The following STX2 variants were observed in gnomAD, a reference collection of about 807,000 sequenced individuals.
STX2 encodes syntaxin-2.
A neutral mutation model predicts 40.6 loss-of-function variants in STX2; 27 were observed. The ratio of observed to expected loss-of-function variants is 0.66; its 90% confidence interval spans 0.49 to 0.92. STX2 has a LOEUF of 0.92. STX2 is among the 40% of genes least tolerant of loss of function. The probability of loss-of-function intolerance (pLI) is 0.00; values close to 1 mark genes in which losing one functional copy is unlikely to be tolerated. For missense variants in STX2, 328 were observed against 366.1 expected (o/e 0.90, Z 0.85); for synonymous variants, 123 against 119.1 (o/e 1.03, Z -0.22).
chr12:130,806,759 G>T (rs1180370628), intron 6 of STX2, among the ~76,000 whole-genome samples: 2 of 152,196 alleles, frequency 1.3e-5, no homozygotes, highest in African/African-American at 4.8e-5. Flanking sequence ...AACTCTAAAA[G>T]CAACAGCAAT....
intron 6 of STX2, among the ~76,000 whole-genome samples, chr12:130,802,730 A>G (rs1472393808): frequency 1.3e-5 from 2 of 152,070 alleles, no homozygotes; most frequent in Non-Finnish European, 2.9e-5. Flanking sequence ...TCCTGGCCTC[A>G]AGCGATCCTT....
At chr12:130,821,819 G>T (rs1378664329) in intron 2 of STX2, 31 bp from the exon 3 acceptor site, 2 of 1,449,924 alleles carry the variant, frequency 1.4e-6, no homozygotes, top group Non-Finnish European at 1.9e-6. Context: ...TTACAGCATG[G>T]CAAACTCAAA....
intron 2 of STX2, among the ~76,000 whole-genome samples, chr12:130,826,394 A>G (rs1952307367): frequency 6.6e-6 from 1 of 152,164 alleles, no homozygotes. Context: ...AGGACCTCCA[A>G]AAGGCAGCCT....
At position 130,839,231 on chromosome 12, in the gene STX2, G is replaced by A. The variant is rs1593204970; in HGVS notation, c.-132C>T. The stretch of plus-strand genomic sequence containing the variant: ...GGCGCCAGCAGCCCTCCCTGGAGCC[G>A]GCGCTGCCACGGCAACCGCGCCCCG... On this transcript the variant is annotated 5_prime_UTR_variant, in exon 1 of 11. Coordinates refer to ENST00000392373, the MANE Select transcript of STX2 (RefSeq NM_194356.4). 1 of 815,154 alleles carries A rather than the reference G, an allele frequency of 1.2e-6. No individual in the cohort carries two copies. Among genetic ancestry groups the A allele is most frequent in the East Asian group, 9.1e-5 (1 of 10,978 alleles). The allele number at this position is 815,154 out of a possible 1,614,324, so 50.5% of individuals were successfully genotyped here. A position where few individuals can be genotyped will look rare whatever the true frequency, so the allele number is the denominator to read the frequency against.
Position 130,796,013 on chromosome 12 carries a change from G to C in STX2, c.*27C>G, listed in dbSNP as rs771299396. The C allele has an allele frequency of 2.2e-5, 36 of 1,613,126 alleles. No individual in the cohort carries two copies. Among genetic ancestry groups the C allele is most frequent in the Non-Finnish European group, 3.0e-5 (35 of 1,179,686 alleles). Reference sequence around the variant, plus strand: ...TACTTACTCCCACCCTGGCAGAGAGGCATGCACACTGACGTTATCCACACC... The same window carrying C: ...TACTTACTCCCACCCTGGCAGAGAGCCATGCACACTGACGTTATCCACACC... On this transcript the variant is annotated 3_prime_UTR_variant, in exon 10 of 11. Coordinates refer to ENST00000392373, the MANE Select transcript of STX2 (RefSeq NM_194356.4).
intron 4 of STX2, among the ~76,000 whole-genome samples, chr12:130,811,834 C>T (rs1490167618): frequency 6.6e-6 from 1 of 152,156 alleles, no homozygotes; most frequent in East Asian, 1.9e-4. Context: ...GCCACCGTGC[C>T]AGGCCACCAT....
chr12:130,801,587 G>C, intron 6 of STX2, 99 bp from the exon 7 acceptor site: 1 of 1,252,548 alleles, frequency 8.0e-7, no homozygotes. Flanking sequence ...ATAGTTGTTA[G>C]CATTTTTCAG....
chr12:130,798,280 A>G (rs542998332), intron 9 of STX2: 1 of 296,984 alleles, frequency 3.4e-6, no homozygotes, highest in East Asian at 6.8e-5. Flanking sequence ...TGCTGGGATT[A>G]CAGGCGTGCC....
intron 5 of STX2, 37 bp from the exon 6 acceptor site, chr12:130,807,127 C>T: frequency 6.3e-7 from 1 of 1,589,858 alleles, no homozygotes; most frequent in Non-Finnish European, 8.6e-7. Context: ...TATCTGAGGG[C>T]CATGCCTTCT....
chr12:130,834,804 G>T lies in STX2; in HGVS notation c.30+4266C>A, dbSNP rs1169946206. On this transcript the variant is annotated intron_variant, in intron 1 of 10. Coordinates refer to ENST00000392373, the MANE Select transcript of STX2 (RefSeq NM_194356.4). ...ATGACATTCTAAACTATAAATATAT[G>T]CATATATAAAATTATGTTCATATAT... 2.6e-5 allele frequency among the ~76,000 whole-genome samples: 4 copies of T among 152,208 alleles called. No individual in the cohort carries two copies. In the South Asian group the frequency reaches 8.3e-4, roughly 32 times the overall value.
chr12:130,795,148 T>A (rs1433860553), intron 10 of STX2, among the ~76,000 whole-genome samples: 1 of 152,210 alleles, frequency 6.6e-6, no homozygotes, highest in South Asian at 2.1e-4. Flanking sequence ...TAACTAAATA[T>A]AATACGTAAT....
intron 1 of STX2, 72 bp from the exon 2 acceptor site, chr12:130,827,339 A>T (rs1952360338): frequency 8.3e-7 from 1 of 1,203,776 alleles, no homozygotes; most frequent in Non-Finnish European, 1.2e-6. Flanking sequence ...TGAAATACAA[A>T]AACAGTTCAA....
intron 3 of STX2, among the ~76,000 whole-genome samples, chr12:130,819,837 G>A (rs1412207641): frequency 2.0e-5 from 3 of 151,898 alleles, no homozygotes; most frequent in Non-Finnish European, 4.4e-5. Context: ...GCGACGGCAC[G>A]AAGAGGTCCC....
In STX2 at chr12:130,799,337, A is replaced by T. The variant is rs76545940; in HGVS notation, c.676-702T>A. ...GCAATACCAACAGACTTCTAAAAGGAAACAGTGAAACAAAGCCAGGGATGC... is the reference window on the plus strand; with the variant it reads ...GCAATACCAACAGACTTCTAAAAGGTAACAGTGAAACAAAGCCAGGGATGC... On this transcript the variant is annotated intron_variant, in intron 8 of 10. Transcript: ENST00000392373. Among the ~76,000 whole-genome samples the T allele has an allele frequency of 7.2e-5, 11 of 152,368 alleles. No homozygotes were observed. In the East Asian group the frequency reaches 1.9e-3, roughly 27 times the overall value.
chr12:130,789,940 C>T lies in STX2; in HGVS notation c.*2083G>A, dbSNP rs1485557646. The T allele has an allele frequency of 6.6e-6, 1 of 152,072 alleles. No homozygotes were observed. The highest frequency in any genetic ancestry group is 1.5e-5 in the Non-Finnish European group (1 of 68,026). The allele number at this position is 152,072 out of a possible 1,614,324, so 9.4% of individuals were successfully genotyped here. On this transcript the variant is annotated 3_prime_UTR_variant, in exon 11 of 11. Coordinates refer to ENST00000392373, the MANE Select transcript of STX2 (RefSeq NM_194356.4). ...TCTAAGAAGAATAACTTGAAAAATA[C>T]CATAATAAGTGTTGTAAAAGGGGAG...
chr12:130,808,514 G>T, intron 5 of STX2, 117 bp downstream of exon 5: 2 of 941,120 alleles, frequency 2.1e-6, no homozygotes, highest in Non-Finnish European at 3.2e-6. Flanking sequence ...TTTTTGTGCA[G>T]AAATACTATG....
intron 1 of STX2, among the ~76,000 whole-genome samples, chr12:130,836,770 TGA>T (rs1247061238): frequency 8.5e-5 from 13 of 152,206 alleles, no homozygotes; most frequent in Non-Finnish European, 1.9e-4. Context: ...GAAAAAGTTT[TGA>T]GAGATTTAAA....
At chr12:130,837,010 A>C (rs1952774318) in intron 1 of STX2, among the ~76,000 whole-genome samples, 1 of 152,172 alleles carries the variant, frequency 6.6e-6, no homozygotes, top group Admixed American at 6.5e-5. Flanking sequence ...TTTGCTATTC[A>C]AGCCAAGAAA....
chr12:130,830,561 T>C (rs1952521406), intron 1 of STX2, among the ~76,000 whole-genome samples: 1 of 152,260 alleles, frequency 6.6e-6, no homozygotes, highest in African/African-American at 2.4e-5. Context: ...ATATGTTTCC[T>C]CTATTGTCTT....
Sources: allele counts gnomAD v4.1 joint callset (sites outside exome capture counted in the v4.1 genomes callset), GRCh38; gene constraint gnomAD v4.1.1; transcripts MANE v1.5; gene names NCBI Gene and HGNC (gene_info 2026-07-23, HGNC 2026-07-21).